Variants in NEGR1 observed in about 807,000 individuals in gnomAD.
NEGR1 encodes the protein IgLON family member 4.
A neutral mutation model predicts 40.9 loss-of-function variants in NEGR1; 10 were observed. That is an observed-to-expected ratio of 0.24 (90% CI 0.15 to 0.42). NEGR1 has a LOEUF of 0.42. Among genes scored for constraint, NEGR1 ranks in the 10% least tolerant of loss-of-function variants. The probability of loss-of-function intolerance (pLI) is 1.00; values close to 1 mark genes in which losing one functional copy is unlikely to be tolerated. For missense variants in NEGR1, 352 were observed against 438.9 expected, an observed-to-expected ratio of 0.80 and a Z score of 1.77; for synonymous variants, 185 against 166.8, an observed-to-expected ratio of 1.11 and a Z score of -0.84.
rs191900606 is a variant in NEGR1, at chr1:71,760,416, G to A, written c.535+15756C>T. ...AGAAGTAGAGGGGACTTTGGAAACA[G>A]ACAAATGAAAGTTAAAATTATAAAG... On this transcript the variant is annotated intron_variant, in intron 3 of 6. Transcript: ENST00000357731. Among the ~76,000 whole-genome samples the A allele has an allele frequency of 3.3e-5, 5 of 152,168 alleles. No homozygotes were observed. The East Asian group carries it at 9.6e-4, about 29-fold the overall frequency.
intron 2 of NEGR1, among the ~76,000 whole-genome samples, chr1:71,834,856 C>A (rs1447056172): frequency 8.5e-6 from 1 of 117,094 alleles, no homozygotes; most frequent in Non-Finnish European, 1.8e-5. Context: ...ATAATGCCTG[C>A]CAAACACCGT....
At chr1:72,013,681 C>G (rs185557694) in intron 1 of NEGR1, among the ~76,000 whole-genome samples, 1 of 151,964 alleles carries the variant, frequency 6.6e-6, no homozygotes, top group Non-Finnish European at 1.5e-5. Flanking sequence ...ATATTATGCT[C>G]TGATGCTTAT....
chr1:71,868,009 C>A (rs72931740), intron 2 of NEGR1, among the ~76,000 whole-genome samples: 18,506 of 152,012 alleles, frequency 0.12, 1,216 homozygotes, highest in African/African-American at 0.15. Flanking sequence ...TCAGATATGA[C>A]CTGTTTGATA....
At chr1:71,728,457 T>C (rs752275581) in intron 3 of NEGR1, among the ~76,000 whole-genome samples, 24 of 152,158 alleles carry the variant, frequency 1.6e-4, no homozygotes, top group Non-Finnish European at 3.5e-4. Flanking sequence ...TGAAGCTGCA[T>C]GTGGGTAAGA....
chr1:72,042,275 G>A (rs1646963553), intron 1 of NEGR1, among the ~76,000 whole-genome samples: 1 of 151,758 alleles, frequency 6.6e-6, no homozygotes, highest in African/African-American at 2.4e-5. Flanking sequence ...TTGGACCACT[G>A]ATGGGCCATA....
At chr1:71,807,046 CA>C (rs1227682511) in intron 2 of NEGR1, among the ~76,000 whole-genome samples, 4 of 152,010 alleles carry the variant, frequency 2.6e-5, no homozygotes, top group Admixed American at 2.6e-4. Context: ...GCGCCTGCCA[CA>C]ATGCCCGGCT....
intron 1 of NEGR1, among the ~76,000 whole-genome samples, chr1:72,266,724 A>AACACACACACACAC (rs3082237): frequency 9.0e-5 from 12 of 133,800 alleles, no homozygotes; most frequent in South Asian, 5.0e-4. Context: ...TAGACAGATA[A>AACACACACACACAC]ACACACACAC....
chr1:71,737,511 G>T (rs1425408380), intron 3 of NEGR1, among the ~76,000 whole-genome samples: 1 of 152,108 alleles, frequency 6.6e-6, no homozygotes, highest in Non-Finnish European at 1.5e-5. Flanking sequence ...ATGCAAGTTG[G>T]TCATTTATCT....
intron 3 of NEGR1, among the ~76,000 whole-genome samples, chr1:71,703,999 C>G (rs1192032479): frequency 6.6e-6 from 1 of 151,736 alleles, no homozygotes; most frequent in Non-Finnish European, 1.5e-5. Flanking sequence ...AAAAGAATAT[C>G]ATAACTAAAT....
intron 6 of NEGR1, chr1:71,477,478 A>G (rs1646828633): frequency 6.6e-6 from 1 of 152,008 alleles, no homozygotes; most frequent in Admixed American, 6.6e-5. Flanking sequence ...CTTGACTCTC[A>G]CCTCCTCCTG....
intron 2 of NEGR1, among the ~76,000 whole-genome samples, chr1:71,827,285 C>T (rs1207405739): frequency 1.3e-5 from 2 of 151,614 alleles, no homozygotes; most frequent in East Asian, 3.9e-4. Context: ...GAGATAGAAA[C>T]AATCTCATTT....
intron 1 of NEGR1, among the ~76,000 whole-genome samples, chr1:72,143,809 C>T (rs904407926): frequency 6.8e-6 from 1 of 146,360 alleles, no homozygotes; most frequent in African/African-American, 2.5e-5. Context: ...TTAAATTGAG[C>T]TGTGTCTTCA....
chr1:71,433,029 A>G (rs1053420739), intron 6 of NEGR1, among the ~76,000 whole-genome samples: 1 of 152,222 alleles, frequency 6.6e-6, no homozygotes, highest in Non-Finnish European at 1.5e-5. Flanking sequence ...GGAACCTTTT[A>G]GAATCTGCAA....
intron 3 of NEGR1, among the ~76,000 whole-genome samples, chr1:71,698,374 T>C (rs1250343304): frequency 6.6e-6 from 1 of 151,866 alleles, no homozygotes; most frequent in Non-Finnish European, 1.5e-5. Context: ...CATGTGTTCT[T>C]TTTAATTGAT....
intron 6 of NEGR1, among the ~76,000 whole-genome samples, chr1:71,561,591 A>G (rs1196720360): frequency 2.0e-5 from 3 of 151,742 alleles, no homozygotes; most frequent in East Asian, 1.9e-4. Context: ...AACAGCTATT[A>G]AAACAAATAG....
intron 1 of NEGR1, among the ~76,000 whole-genome samples, chr1:72,056,273 A>C (rs1647109332): frequency 6.6e-6 from 1 of 151,360 alleles, no homozygotes; most frequent in African/African-American, 2.4e-5. Context: ...GGCTTTGTGA[A>C]TAGAGAGACC....
intron 1 of NEGR1, among the ~76,000 whole-genome samples, chr1:72,067,041 C>T (rs1197953535): frequency 6.6e-6 from 1 of 152,104 alleles, no homozygotes; most frequent in South Asian, 2.1e-4. Context: ...ATGTACCTTA[C>T]ATTTATTTCA....
intron 2 of NEGR1, among the ~76,000 whole-genome samples, chr1:71,920,227 A>G (rs1171219223): frequency 6.6e-6 from 1 of 152,036 alleles, no homozygotes; most frequent in Non-Finnish European, 1.5e-5. Context: ...TATTCCTCTC[A>G]TCTTGTCCTG....
chr1:72,088,155 C>A (rs1409912456), intron 1 of NEGR1, among the ~76,000 whole-genome samples: 3 of 152,146 alleles, frequency 2.0e-5, no homozygotes, highest in Admixed American at 6.6e-5. Flanking sequence ...TTTGGAGCTA[C>A]TCCTATTAAT....
Sources: gnomAD v4.1 joint callset for allele counts (sites outside exome capture counted in the v4.1 genomes callset) on GRCh38, gnomAD v4.1.1 for gene constraint, MANE v1.5 for transcripts, NCBI Gene and HGNC (gene_info 2026-07-23, HGNC 2026-07-21) for gene names.